Variants in HKDC1 observed in about 807,000 individuals in gnomAD.
The protein encoded by HKDC1 is hexokinase HKDC1.
HKDC1 carries 66 observed loss-of-function variants against 96.6 expected under a neutral mutation model. The observed-to-expected ratio is 0.68, with a 90% confidence interval of 0.56 to 0.84. The LOEUF (loss-of-function observed/expected upper bound fraction) is 0.84, where lower values mean the gene tolerates loss of function less well. Among genes scored for constraint, HKDC1 ranks in the 40% least tolerant of loss-of-function variants. The pLI is 0.00. For missense variants in HKDC1, 1,211 were observed against 1,208.1 expected (o/e 1.00, Z -0.04); for synonymous variants, 466 against 473.1 (o/e 0.98, Z 0.20).
In HKDC1 at chr10:69,250,672, C is replaced by A; in HGVS notation, c.1836+20C>A. 2 of 1,612,094 alleles carry A rather than the reference C, an allele frequency of 1.2e-6. No homozygotes were observed. The highest frequency in any genetic ancestry group is 2.2e-5 in the East Asian group (1 of 44,878). On this transcript the variant is annotated intron_variant, in intron 12 of 17. Transcript: ENST00000354624. ...GACAAGGTAAGATAGCCCCACCAGG[C>A]TCACGGCCAGCCCAGTGGGCTTCCT...
At chr10:69,260,481 G>A (rs558533467) in intron 15 of HKDC1, among the ~76,000 whole-genome samples, 29 of 152,348 alleles carry the variant, frequency 1.9e-4, no homozygotes, top group Middle Eastern at 6.8e-3. Flanking sequence ...TAAGGGGGCA[G>A]CACCTTTGAA....
chr10:69,228,635 G>T (rs567550932), intron 2 of HKDC1, among the ~76,000 whole-genome samples: 2 of 152,164 alleles, frequency 1.3e-5, no homozygotes, highest in South Asian at 2.1e-4. Context: ...GGAGGCCGAG[G>T]GGGGCAGATC....
At chr10:69,231,458 C>T (rs957413936) in intron 2 of HKDC1, among the ~76,000 whole-genome samples, 6 of 152,070 alleles carry the variant, frequency 3.9e-5, no homozygotes, top group African/African-American at 1.4e-4. Context: ...TTTCTCATTC[C>T]TTTGCCCGTG....
At chr10:69,266,471 A>AG (rs1343323205) in intron 17 of HKDC1, 139 bp from the exon 18 acceptor site, 6 of 896,778 alleles carry the variant, frequency 6.7e-6, no homozygotes, top group Non-Finnish European at 9.8e-6. Flanking sequence ...TCTAAAAAAA[A>AG]AAAAAAATTA....
intron 15 of HKDC1, among the ~76,000 whole-genome samples, chr10:69,260,467 G>T (rs1399751689): frequency 6.6e-6 from 1 of 152,184 alleles, no homozygotes; most frequent in African/African-American, 2.4e-5. Flanking sequence ...TTGGATTGAG[G>T]TTTTAAGGGG....
intron 17 of HKDC1, among the ~76,000 whole-genome samples, chr10:69,266,111 T>C (rs1268871270): frequency 6.6e-6 from 1 of 152,108 alleles, no homozygotes; most frequent in Non-Finnish European, 1.5e-5. Flanking sequence ...GCTAAATGTG[T>C]GAGGTTGAAA....
chr10:69,247,243 A>G, intron 8 of HKDC1, 117 bp from the exon 9 acceptor site: 2 of 683,048 alleles, frequency 2.9e-6, no homozygotes, highest in South Asian at 1.8e-5. Flanking sequence ...TTTTTATTCT[A>G]TACCATGGAC....
Position 69,260,631 on chromosome 10 carries a change from C to T in HKDC1, c.2217-508C>T, listed in dbSNP as rs954625247. Among the ~76,000 whole-genome samples the T allele has an allele frequency of 8.5e-5, 13 of 152,148 alleles. 1 individual carries two copies. The highest frequency in any genetic ancestry group is 3.9e-4 in the Admixed American group (6 of 15,276). ...AAGCAGTGGCAGTCTGGCTCTGTGT[C>T]ACTGTTGTTAATGATGATGTGTGTC... On this transcript the variant is annotated intron_variant, in intron 15 of 17. Transcript: ENST00000354624.
intron 1 of HKDC1, among the ~76,000 whole-genome samples, chr10:69,225,435 T>C (rs1843140511): frequency 6.6e-6 from 1 of 152,210 alleles, no homozygotes; most frequent in African/African-American, 2.4e-5. Context: ...CAGGAAGCCC[T>C]TAATGAAGCC....
At chr10:69,240,335 A>G (rs553389135) in intron 5 of HKDC1, among the ~76,000 whole-genome samples, 2 of 152,114 alleles carry the variant, frequency 1.3e-5, no homozygotes, top group African/African-American at 2.4e-5. Flanking sequence ...ATTAAAAAAT[A>G]AAATTTTTTA....
intron 4 of HKDC1, among the ~76,000 whole-genome samples, chr10:69,236,675 G>A (rs1843366112): frequency 4.0e-5 from 6 of 151,860 alleles, no homozygotes; most frequent in Admixed American, 3.9e-4. Flanking sequence ...AGCTACTCGG[G>A]AGGCTGAGGC....
chr10:69,255,482 T>C (rs1004149383), intron 12 of HKDC1, among the ~76,000 whole-genome samples: 9 of 152,160 alleles, frequency 5.9e-5, no homozygotes, highest in African/African-American at 2.2e-4. Flanking sequence ...GCCTTTCCTG[T>C]CCCAGAGCTT....
intron 9 of HKDC1, 131 bp downstream of exon 9, chr10:69,247,724 G>A (rs1843565142): frequency 1.4e-6 from 1 of 703,418 alleles, no homozygotes; most frequent in Non-Finnish European, 2.4e-6. Context: ...GAGATTACAA[G>A]GGAAAAGGTG....
At chr10:69,261,384 A>C in intron 16 of HKDC1, 90 bp downstream of exon 16, 1 of 1,290,252 alleles carries the variant, frequency 7.8e-7, no homozygotes, top group Non-Finnish European at 1.1e-6. Context: ...TAAAAATAAA[A>C]ACAGAAAGGC....
intron 7 of HKDC1, 61 bp downstream of exon 7, chr10:69,243,426 C>T: frequency 7.2e-7 from 1 of 1,394,006 alleles, no homozygotes; most frequent in Non-Finnish European, 9.6e-7. Context: ...TCACTCAGGT[C>T]CCCTGGCTAC....
At chr10:69,239,523 C>G (rs1843421252) in intron 5 of HKDC1, among the ~76,000 whole-genome samples, 1 of 152,196 alleles carries the variant, frequency 6.6e-6, no homozygotes, top group African/African-American at 2.4e-5. Flanking sequence ...GGCTGGTTCT[C>G]TATTTCACTG....
intron 4 of HKDC1, among the ~76,000 whole-genome samples, chr10:69,233,584 C>T (rs1267210564): frequency 1.3e-5 from 2 of 152,056 alleles, no homozygotes; most frequent in Non-Finnish European, 2.9e-5. Flanking sequence ...GTAGTGAGCC[C>T]TCAGGAGGAG....
chr10:69,257,690 G>GC (rs1475774667), intron 14 of HKDC1, among the ~76,000 whole-genome samples: 4 of 152,054 alleles, frequency 2.6e-5, no homozygotes, highest in African/African-American at 9.7e-5. Flanking sequence ...TGTCATGGGG[G>GC]GGGGAAGGAG....
intron 4 of HKDC1, 79 bp from the exon 5 acceptor site, chr10:69,238,963 G>A (rs148710344): frequency 3.9e-5 from 37 of 956,600 alleles, no homozygotes; most frequent in East Asian, 2.5e-5. Flanking sequence ...GGGGATGCAC[G>A]TAGGCATGAA....
Sources: gnomAD v4.1 joint callset for allele counts (sites outside exome capture counted in the v4.1 genomes callset) on GRCh38, gnomAD v4.1.1 for gene constraint, MANE v1.5 for transcripts, NCBI Gene and HGNC (gene_info 2026-07-23, HGNC 2026-07-21) for gene names.